The following KMT2C variants were observed in gnomAD, a reference collection of about 807,000 sequenced individuals.
The protein encoded by KMT2C is lysine methyltransferase 2C.
A neutral mutation model predicts 507.9 loss-of-function variants in KMT2C; 88 were observed. The observed-to-expected ratio is 0.17, with a 90% CI of 0.15 to 0.21. The LOEUF is 0.21. Ranked by LOEUF, KMT2C falls within the 10% of genes least tolerant of loss-of-function variation. KMT2C has a pLI of 1.00. For synonymous variants in KMT2C, 2,049 were observed against 2,080.8 expected, an observed-to-expected ratio of 0.98 and a Z score of 0.42; for missense variants, 4,954 against 5,957.8, an observed-to-expected ratio of 0.83 and a Z score of 5.55.
At position 152,144,801 on chromosome 7, in the gene KMT2C, T is replaced by G. The variant is rs936094447; in HGVS notation, c.14255A>C (p.Lys4752Thr). The change falls in exon 55 of 59, where the codon AAA (lysine) becomes ACA (threonine). Residue 4752 changes from lysine (K) to threonine (T), a missense_variant. Lys to Thr is a moderately conservative substitution (Grantham distance 78, BLOSUM62 -1). This residue lies in a region of KMT2C where 133 missense variants were observed against 258.9 expected (regional missense o/e 0.51). Coordinates refer to ENST00000262189, the MANE Select transcript of KMT2C (RefSeq NM_170606.3). This position sits in a 1 kb window ranked among gnomAD's most constrained non-coding sequence, Gnocchi z 4.4. ...CGATGACTTGGAGTGAACAAACTGT[T>G]TACTATAAGGTGCGTTCAGTTCTCC... ...VTGELNAPYS[K>T]QFVHSKSSQY... 1 of 1,614,146 alleles carries G rather than the reference T, an allele frequency of 6.2e-7. No individual in the cohort carries two copies. The highest frequency in any genetic ancestry group is 8.5e-7 in the Non-Finnish European group (1 of 1,179,994).
At chr7:152,331,264 C>T (rs540246695) in intron 2 of KMT2C, among the ~76,000 whole-genome samples, 21 of 151,516 alleles carry the variant, frequency 1.4e-4, no homozygotes, top group African/African-American at 4.6e-4. Context: ...GAGCTGGGAT[C>T]GTGCCACTGT....
At chr7:152,348,177 A>C (rs779628052) in intron 2 of KMT2C, among the ~76,000 whole-genome samples, 8 of 152,242 alleles carry the variant, frequency 5.3e-5, no homozygotes, top group Non-Finnish European at 1.0e-4. Flanking sequence ...TACCTATTAA[A>C]ACAAATTGAA....
At chr7:152,313,256 C>CTATCTATA (rs1263968449) in intron 4 of KMT2C, among the ~76,000 whole-genome samples, 1 of 151,538 alleles carries the variant, frequency 6.6e-6, no homozygotes, top group Non-Finnish European at 1.5e-5. Context: ...AAAAGACCAA[C>CTATCTATA]AGTTCATCTA....
chr7:152,367,566 T>G (rs1420347756), intron 1 of KMT2C: 1 of 1,264,744 alleles, frequency 7.9e-7, no homozygotes, highest in East Asian at 2.3e-5. Flanking sequence ...CATTATTCCT[T>G]ACAGATTTGT....
At chr7:152,359,712 A>T (rs1375829056) in intron 1 of KMT2C, among the ~76,000 whole-genome samples, 1 of 152,126 alleles carries the variant, frequency 6.6e-6, no homozygotes, top group Non-Finnish European at 1.5e-5. Flanking sequence ...AAGAAAAAAT[A>T]CAAATCAACT....
chr7:152,350,313 G>A (rs746953365), intron 2 of KMT2C, among the ~76,000 whole-genome samples: 6 of 152,146 alleles, frequency 3.9e-5, no homozygotes, highest in Non-Finnish European at 7.4e-5. Flanking sequence ...GTAACTGAAT[G>A]TATCGATGTG....
intron 1 of KMT2C, among the ~76,000 whole-genome samples, chr7:152,369,803 C>T (rs890076493): frequency 9.2e-5 from 14 of 152,260 alleles, no homozygotes; most frequent in Non-Finnish European, 1.5e-5. Flanking sequence ...AACCATAAAC[C>T]AAATAAATCT....
intron 1 of KMT2C, among the ~76,000 whole-genome samples, chr7:152,431,443 A>G (rs943932066): frequency 6.6e-6 from 1 of 151,978 alleles, no homozygotes; most frequent in African/African-American, 2.4e-5. Flanking sequence ...CTAAAAATAC[A>G]AAAATTAGTC....
chr7:152,253,638 G>A (rs919931307), intron 9 of KMT2C, among the ~76,000 whole-genome samples: 1 of 151,924 alleles, frequency 6.6e-6, no homozygotes, highest in African/African-American at 2.4e-5. Flanking sequence ...AGGCTGCAGG[G>A]AGCTCACGCC....
chr7:152,421,933 A>C (rs541969367), intron 1 of KMT2C, among the ~76,000 whole-genome samples: 1 of 151,876 alleles, frequency 6.6e-6, no homozygotes, highest in East Asian at 1.9e-4. Flanking sequence ...CAGGTTTATT[A>C]GAAAACTTTA....
chr7:152,374,840 A>G (rs2097316276), intron 1 of KMT2C, among the ~76,000 whole-genome samples: 2 of 151,048 alleles, frequency 1.3e-5, no homozygotes, highest in African/African-American at 2.4e-5. Flanking sequence ...CCGAGATCGC[A>G]GCATTGTACT....
intron 2 of KMT2C, among the ~76,000 whole-genome samples, chr7:152,349,445 G>GAAAGA (rs546719322): frequency 6.6e-6 from 1 of 151,540 alleles, no homozygotes; most frequent in East Asian, 1.9e-4. Context: ...ACTCCATAAA[G>GAAAGA]AAAGAAAAGA....
chr7:152,370,621 T>C, intron 1 of KMT2C, among the ~76,000 whole-genome samples: 1 of 152,146 alleles, frequency 6.6e-6, no homozygotes, highest in South Asian at 2.1e-4. Context: ...CAAGAATATA[T>C]TAGCAAATCA....
intron 23 of KMT2C, among the ~76,000 whole-genome samples, chr7:152,210,637 G>A (rs2094434418): frequency 6.6e-6 from 1 of 151,626 alleles, no homozygotes. Context: ...GAAGCCAGAA[G>A]ATCTGCAACA....
chr7:152,307,101 T>G (rs112968555), intron 6 of KMT2C, among the ~76,000 whole-genome samples: 3 of 150,992 alleles, frequency 2.0e-5, no homozygotes, highest in African/African-American at 7.3e-5. Flanking sequence ...AGGGTGCCAA[T>G]GAGCCGTGAT....
At chr7:152,413,637 C>A (rs2097703536) in intron 1 of KMT2C, among the ~76,000 whole-genome samples, 1 of 151,764 alleles carries the variant, frequency 6.6e-6, no homozygotes, top group African/African-American at 2.4e-5. Context: ...GTAATCCCAG[C>A]ACTTTGGGAG....
At chr7:152,195,855 C>A (rs2093946027) in intron 28 of KMT2C, 52 bp downstream of exon 28, 1 of 1,020,990 alleles carries the variant, frequency 9.8e-7, no homozygotes, top group African/African-American at 1.6e-5. Context: ...ACATCATACA[C>A]CTCTCGCTCA....
At chr7:152,220,955 T>TA (rs968860595) in intron 22 of KMT2C, among the ~76,000 whole-genome samples, 6 of 152,120 alleles carry the variant, frequency 3.9e-5, no homozygotes, top group Admixed American at 1.3e-4. Flanking sequence ...TGCATGTTTT[T>TA]AAAAAATGGT....
At chr7:152,303,429 C>T (rs758857001) in intron 6 of KMT2C, among the ~76,000 whole-genome samples, 12 of 152,188 alleles carry the variant, frequency 7.9e-5, no homozygotes, top group Admixed American at 1.3e-4. Context: ...GACCTACCTC[C>T]TCATTCAAGC....
Sources: allele counts gnomAD v4.1 joint callset (sites outside exome capture counted in the v4.1 genomes callset), GRCh38; gene constraint gnomAD v4.1.1; regional missense constraint gnomAD v4.1.1; non-coding constraint Gnocchi (gnomAD v3.1); transcripts MANE v1.5; gene names NCBI Gene and HGNC (gene_info 2026-07-23, HGNC 2026-07-21).